The following PLCG2 variants were observed in gnomAD, a reference collection of about 807,000 sequenced individuals.
PLCG2 encodes 1-phosphatidylinositol 4,5-bisphosphate phosphodiesterase gamma-2.
A neutral mutation model predicts 175.6 loss-of-function variants in PLCG2; 69 were observed. The observed-to-expected ratio is 0.39, with a 90% CI of 0.32 to 0.48. The LOEUF is 0.48. Ranked by LOEUF, PLCG2 falls within the 20% of genes least tolerant of loss-of-function variation. PLCG2 has a pLI of 0.91. For synonymous variants in PLCG2, 827 were observed against 624.0 expected, an observed-to-expected ratio of 1.33 and a Z score of -4.85; for missense variants, 1,798 against 1,650.9, an observed-to-expected ratio of 1.09 and a Z score of -1.54.
At chr16:81,750,996 T>C (rs1909801708) in intron 1 of PLCG2, among the ~76,000 whole-genome samples, 1 of 133,070 alleles carries the variant, frequency 7.5e-6, no homozygotes, top group South Asian at 2.4e-4. Context: ...TTTTTTTTTT[T>C]TCAAACAGAG....
intron 2 of PLCG2, among the ~76,000 whole-genome samples, chr16:81,770,939 T>A (rs1910265637): frequency 1.3e-5 from 2 of 151,560 alleles, no homozygotes; most frequent in African/African-American, 4.9e-5. Flanking sequence ...GTGCCTGTGG[T>A]CCCAGCTACT....
chr16:81,806,420 G>T (rs1427198216), intron 2 of PLCG2, among the ~76,000 whole-genome samples: 1 of 151,966 alleles, frequency 6.6e-6, no homozygotes, highest in African/African-American at 2.4e-5. Flanking sequence ...CCTAGATTTA[G>T]GTGTGACATC....
intron 7 of PLCG2, among the ~76,000 whole-genome samples, chr16:81,871,899 A>G (rs12447917): frequency 0.51 from 76,923 of 151,816 alleles, 20,867 homozygotes; most frequent in Non-Finnish European, 0.61. Flanking sequence ...TATCCATATT[A>G]TGTGACATTA....
intron 18 of PLCG2, among the ~76,000 whole-genome samples, chr16:81,911,682 C>T (rs1401549663): frequency 6.6e-6 from 1 of 152,014 alleles, no homozygotes; most frequent in East Asian, 1.9e-4. Context: ...ACGATCTCAG[C>T]TCACTGCAAC....
chr16:81,759,597 T>C (rs1054726618), intron 2 of PLCG2, among the ~76,000 whole-genome samples: 4 of 152,178 alleles, frequency 2.6e-5, no homozygotes, highest in Non-Finnish European at 2.9e-5. Flanking sequence ...AGTTTCTTTC[T>C]AGTCTGATCT....
At chr16:81,925,899 A>AAT (rs1239609442) in intron 22 of PLCG2, among the ~76,000 whole-genome samples, 1 of 152,128 alleles carries the variant, frequency 6.6e-6, no homozygotes. Flanking sequence ...AAAAAAAAAA[A>AAT]AAAAATCCAG....
At chr16:81,802,725 C>G (rs1911789304) in intron 2 of PLCG2, among the ~76,000 whole-genome samples, 1 of 152,128 alleles carries the variant, frequency 6.6e-6, no homozygotes, top group African/African-American at 2.4e-5. Context: ...GCATGCGCCA[C>G]CACGCCCAGC....
At chr16:81,931,382 G>A (rs761820176) in intron 24 of PLCG2, 115 bp from the exon 25 acceptor site, 28 of 920,024 alleles carry the variant, frequency 3.0e-5, no homozygotes, top group African/African-American at 8.2e-5. Context: ...AGTGCTAACC[G>A]TGGTCATAGC....
At chr16:81,831,968 C>G (rs182211616) in intron 2 of PLCG2, among the ~76,000 whole-genome samples, 4 of 152,160 alleles carry the variant, frequency 2.6e-5, no homozygotes, top group Non-Finnish European at 5.9e-5. Context: ...CTTGCCCTAG[C>G]GGAAGGGACT....
chr16:81,928,322 G>A (rs945905673), intron 23 of PLCG2, among the ~76,000 whole-genome samples: 1 of 152,018 alleles, frequency 6.6e-6, no homozygotes, highest in African/African-American at 2.4e-5. Context: ...CACAAGGCAC[G>A]TTTTTACGGA....
intron 2 of PLCG2, among the ~76,000 whole-genome samples, chr16:81,766,464 CGCCTCCTCCTCCTCCTCT>C (rs1273785426): frequency 1.4e-5 from 2 of 140,326 alleles, no homozygotes; most frequent in East Asian, 2.1e-4. Context: ...ACTTAGCCAG[CGCCTCCTCCTCCTCCTCT>C]TCCTCCTCCT....
intron 31 of PLCG2, among the ~76,000 whole-genome samples, chr16:81,954,141 G>A (rs756917405): frequency 3.9e-4 from 60 of 152,082 alleles, no homozygotes; most frequent in Non-Finnish European, 7.6e-4. Context: ...TACCCTCTCA[G>A]CCTCCTGAAT....
intron 5 of PLCG2, among the ~76,000 whole-genome samples, chr16:81,860,756 A>C (rs1906939504): frequency 6.6e-6 from 1 of 152,172 alleles, no homozygotes; most frequent in Non-Finnish European, 1.5e-5. Flanking sequence ...AGATTGCCTG[A>C]GCTCAGGAGT....
At chr16:81,926,607 A>G (rs1043052599) in intron 22 of PLCG2, among the ~76,000 whole-genome samples, 10 of 152,174 alleles carry the variant, frequency 6.6e-5, no homozygotes, top group African/African-American at 2.4e-4. Context: ...TTAGAGTCCT[A>G]ATAAAACCCT....
intron 2 of PLCG2, among the ~76,000 whole-genome samples, chr16:81,818,914 G>C (rs1555509317): frequency 1.8e-5 from 2 of 111,612 alleles, no homozygotes; most frequent in Non-Finnish European, 3.8e-5. Flanking sequence ...TTTTACTGTG[G>C]TGGGGCTCTT....
At chr16:81,757,681 C>G (rs575920786) in intron 2 of PLCG2, among the ~76,000 whole-genome samples, 4 of 152,288 alleles carry the variant, frequency 2.6e-5, no homozygotes, top group African/African-American at 9.6e-5. Context: ...ATGTATCACG[C>G]AATTCACCCA....
At chr16:81,869,135 T>G in intron 5 of PLCG2, 79 bp from the exon 6 acceptor site, 1 of 1,008,436 alleles carries the variant, frequency 9.9e-7, no homozygotes, top group Non-Finnish European at 1.6e-6. Context: ...CTGCCTGAGG[T>G]GGGAACTGAT....
chr16:81,860,420 A>T (rs953561057), intron 5 of PLCG2, among the ~76,000 whole-genome samples: 5 of 152,134 alleles, frequency 3.3e-5, no homozygotes, highest in African/African-American at 1.2e-4. Flanking sequence ...TCAGAAACGA[A>T]TACCAGCAGC....
intron 2 of PLCG2, among the ~76,000 whole-genome samples, chr16:81,848,005 C>T (rs1413970769): frequency 1.3e-5 from 2 of 152,094 alleles, no homozygotes; most frequent in African/African-American, 4.8e-5. Flanking sequence ...CAAAGTGATT[C>T]CAAAGGTTAT....
Sources: allele counts gnomAD v4.1 joint callset (sites outside exome capture counted in the v4.1 genomes callset), GRCh38; gene constraint gnomAD v4.1.1; transcripts MANE v1.5; gene names NCBI Gene and HGNC (gene_info 2026-07-23, HGNC 2026-07-21).